The following UBR2 variants were observed in gnomAD, a reference collection of about 807,000 sequenced individuals.
UBR2 encodes ubiquitin protein ligase E3 component n-recognin 2, also known as E3 ubiquitin-protein ligase UBR2.
A neutral mutation model predicts 247.9 loss-of-function variants in UBR2; 92 were observed. That is an observed-to-expected ratio of 0.37 (90% CI 0.31 to 0.44). The LOEUF is 0.44. Ranked by LOEUF, UBR2 falls within the 20% of genes least tolerant of loss-of-function variation. The pLI is 1.00. For missense variants in UBR2, 1,613 were observed against 2,112.6 expected, an observed-to-expected ratio of 0.76 and a Z score of 4.64; for synonymous variants, 672 against 693.5, an observed-to-expected ratio of 0.97 and a Z score of 0.49.
Position 42,658,762 on chromosome 6 carries a change from CA to C in UBR2, c.3183del (p.Glu1062AsnfsTer7). The C allele has an allele frequency of 6.2e-7, 1 of 1,602,062 alleles. No homozygotes were observed. Among genetic ancestry groups the C allele is most frequent in the Non-Finnish European group, 8.5e-7 (1 of 1,176,286 alleles). On this transcript the variant is annotated frameshift_variant, in exon 29 of 47. Coordinates refer to ENST00000372901, the MANE Select transcript of UBR2 (RefSeq NM_001363705.2). LOFTEE classifies it high-confidence loss of function. ...EMQRHFIDEN[K>X]ELFQQTLELD... ...TGCAGCGGCATTTTATTGATGAAAA[CA>C]AAGAACTCTTTCAGCAGACATTAGA... is the stretch of plus-strand genomic sequence containing the variant.
intron 2 of UBR2, 80 bp from the exon 3 acceptor site, chr6:42,592,071 G>A: frequency 3.8e-6 from 5 of 1,324,654 alleles, no homozygotes; most frequent in Non-Finnish European, 3.2e-6. Flanking sequence ...CTTTTAGGAT[G>A]GATTCCAATT....
intron 36 of UBR2, among the ~76,000 whole-genome samples, chr6:42,671,316 G>A (rs986350465): frequency 6.6e-6 from 1 of 151,774 alleles, no homozygotes; most frequent in Non-Finnish European, 1.5e-5. Flanking sequence ...AGGCTGAGTT[G>A]GGAAGATCAC....
chr6:42,659,893 A>G lies in UBR2; in HGVS notation c.3442+38A>G. ...TAGATCCTCATCTTCCCTTTTAATA[A>G]CAACTGCCAGTTAATGTGGTTGGTG... On this transcript the variant is annotated intron_variant, in intron 30 of 46. Transcript: ENST00000372901. The surrounding 1 kb of genome is among the most constrained non-coding windows in gnomAD (Gnocchi z 4.3). 6.3e-7 allele frequency: 1 copy of G among 1,588,478 alleles called. No individual in the cohort carries two copies. Among genetic ancestry groups the G allele is most frequent in the South Asian group, 1.1e-5 (1 of 90,212 alleles).
At chr6:42,610,346 A>G (rs1454057039) in intron 7 of UBR2, among the ~76,000 whole-genome samples, 2 of 152,248 alleles carry the variant, frequency 1.3e-5, no homozygotes, top group Admixed American at 1.3e-4. Flanking sequence ...TATATATGCA[A>G]AATAATTGAA....
At chr6:42,596,922 T>C (rs1340713082) in intron 4 of UBR2, among the ~76,000 whole-genome samples, 2 of 152,214 alleles carry the variant, frequency 1.3e-5, no homozygotes, top group East Asian at 3.8e-4. Context: ...TTGCACGTTA[T>C]AATAAATGTA....
chr6:42,601,236 G>T (rs1251975061), intron 4 of UBR2, among the ~76,000 whole-genome samples: 1 of 152,120 alleles, frequency 6.6e-6, no homozygotes, highest in African/African-American at 2.4e-5. Context: ...TTCTATTTTG[G>T]TGTAGTATGA....
chr6:42,693,194 T>C lies in UBR2; in HGVS notation c.*2021T>C, dbSNP rs1799833070. 6.6e-6 allele frequency: 1 copy of C among 152,220 alleles called. No individual in the cohort carries two copies. The highest frequency in any genetic ancestry group is 6.5e-5 in the Admixed American group (1 of 15,284). 9.4% of individuals were successfully genotyped at this position (152,220 alleles called of 1,614,324 possible). On this transcript the variant is annotated 3_prime_UTR_variant, in exon 47 of 47. Coordinates refer to ENST00000372901, the MANE Select transcript of UBR2 (RefSeq NM_001363705.2). ...AAGGTTGTCTCTGGATTTCATTCTCTGAGAATATCACAGAGCCTGGGAGAA... is the reference window on the plus strand; with the variant it reads ...AAGGTTGTCTCTGGATTTCATTCTCCGAGAATATCACAGAGCCTGGGAGAA...
intron 11 of UBR2, among the ~76,000 whole-genome samples, chr6:42,632,069 A>AATATATATATATATATATATAT (rs1554254886): frequency 8.8e-6 from 1 of 114,088 alleles, no homozygotes; most frequent in African/African-American, 3.4e-5. Flanking sequence ...AAAAAAAAAA[A>AATATATATATATATATATATAT]ATATATATAT....
chr6:42,628,342 A>T (rs1258192478), intron 11 of UBR2, among the ~76,000 whole-genome samples: 4 of 152,042 alleles, frequency 2.6e-5, no homozygotes, highest in South Asian at 2.1e-4. Flanking sequence ...CTTGCCCTAG[A>T]TATTAGTGGA....
chr6:42,568,199 A>G (rs1047395405), intron 1 of UBR2, among the ~76,000 whole-genome samples: 2 of 152,186 alleles, frequency 1.3e-5, no homozygotes, highest in Non-Finnish European at 2.9e-5. Flanking sequence ...GGTTTTTAGT[A>G]TATTCAGATT....
chr6:42,662,795 C>T (rs1797890997), intron 31 of UBR2, among the ~76,000 whole-genome samples: 1 of 152,144 alleles, frequency 6.6e-6, no homozygotes, highest in Admixed American at 6.5e-5. Context: ...CTACCCCTAA[C>T]AACTAGCCAC....
At chr6:42,649,061 G>A (rs1796948906) in intron 22 of UBR2, among the ~76,000 whole-genome samples, 1 of 152,138 alleles carries the variant, frequency 6.6e-6, no homozygotes, top group Non-Finnish European at 1.5e-5. Flanking sequence ...AGACTCAAGT[G>A]CAGTGGCACG....
chr6:42,608,083 A>T (rs957992736), intron 7 of UBR2, among the ~76,000 whole-genome samples: 2 of 152,144 alleles, frequency 1.3e-5, no homozygotes, highest in African/African-American at 4.8e-5. Flanking sequence ...TTGCTGTGAC[A>T]AATACTCCCG....
In UBR2 at chr6:42,692,162, A is replaced by G. The variant is rs1450112034; in HGVS notation, c.*989A>G. ...TCTAAAAGAGTATCCTAATTTTCTTATCTGTATTCTTTTAGAATACCCTAA... is the reference window on the plus strand; with the variant it reads ...TCTAAAAGAGTATCCTAATTTTCTTGTCTGTATTCTTTTAGAATACCCTAA... On this transcript the variant is annotated 3_prime_UTR_variant, in exon 47 of 47. Transcript: ENST00000372901. 6.6e-6 allele frequency: 1 copy of G among 152,138 alleles called. No individual in the cohort carries two copies. Among genetic ancestry groups the G allele is most frequent in the Admixed American group, 6.5e-5 (1 of 15,278 alleles). The allele number at this position is 152,138 out of a possible 1,614,324, so 9.4% of individuals were successfully genotyped here. A position where few individuals can be genotyped will look rare whatever the true frequency, so the allele number is the denominator to read the frequency against.
intron 2 of UBR2, among the ~76,000 whole-genome samples, chr6:42,583,757 C>A (rs1792064607): frequency 6.6e-6 from 1 of 152,030 alleles, no homozygotes. Context: ...CTCCTGACCT[C>A]AAATGATCTG....
At chr6:42,564,454 A>G (rs1338506973) in intron 1 of UBR2, 57 bp downstream of exon 1, 2 of 1,565,182 alleles carry the variant, frequency 1.3e-6, no homozygotes, top group African/African-American at 2.7e-5. Flanking sequence ...GCCTGTGGGG[A>G]GGAACCGACT....
intron 2 of UBR2, among the ~76,000 whole-genome samples, chr6:42,575,856 T>C (rs1283968363): frequency 6.6e-6 from 1 of 152,208 alleles, no homozygotes; most frequent in East Asian, 1.9e-4. Context: ...GACTATTAAG[T>C]ATCCTCTTCA....
At chr6:42,583,426 T>C (rs1303535866) in intron 2 of UBR2, among the ~76,000 whole-genome samples, 3 of 152,026 alleles carry the variant, frequency 2.0e-5, no homozygotes, top group Non-Finnish European at 2.9e-5. Context: ...TTTCTATTTT[T>C]AGTAGAGGTG....
chr6:42,648,281 T>C (rs562780656), intron 22 of UBR2, 111 bp downstream of exon 22: 11 of 858,064 alleles, frequency 1.3e-5, no homozygotes, highest in African/African-American at 6.7e-5. Context: ...CTTTCAGAGA[T>C]TGACAGACAT....
Sources: allele counts gnomAD v4.1 joint callset (sites outside exome capture counted in the v4.1 genomes callset), GRCh38; gene constraint gnomAD v4.1.1; non-coding constraint Gnocchi (gnomAD v3.1); transcripts MANE v1.5; gene names NCBI Gene and HGNC (gene_info 2026-07-23, HGNC 2026-07-21).